The following NEK11 variants were observed in gnomAD, a reference collection of about 807,000 sequenced individuals.
NEK11 encodes the protein serine/threonine-protein kinase Nek11.
NEK11 carries 72 observed loss-of-function variants against 80.7 expected under a neutral mutation model. The ratio of observed to expected loss-of-function variants is 0.89; its 90% confidence interval spans 0.74 to 1.08. The LOEUF is 1.08. Ranked by LOEUF, NEK11 falls within the 50% of genes least tolerant of loss-of-function variation. The probability of loss-of-function intolerance (pLI) is 0.00; values close to 1 mark genes in which losing one functional copy is unlikely to be tolerated. For synonymous variants in NEK11, 251 were observed against 260.7 expected (o/e 0.96, Z 0.36); for missense variants, 764 against 763.6 (o/e 1.00, Z -0.01).
intron 7 of NEK11, among the ~76,000 whole-genome samples, chr3:131,134,691 G>A (rs1045909839): frequency 4.1e-4 from 63 of 152,078 alleles, no homozygotes; most frequent in African/African-American, 1.1e-3. Flanking sequence ...GAGCCACCGC[G>A]CCCAGACTAG....
chr3:131,029,418 A>G (rs1425848117), intron 2 of NEK11, among the ~76,000 whole-genome samples, 195 bp from the exon 3 acceptor site: 1 of 152,250 alleles, frequency 6.6e-6, no homozygotes, highest in Non-Finnish European at 1.5e-5. Context: ...TTCAATGTAC[A>G]AAGGGAGGCT....
intron 16 of NEK11, among the ~76,000 whole-genome samples, chr3:131,262,093 G>A: frequency 6.7e-6 from 1 of 149,612 alleles, no homozygotes. Context: ...ATGAAAGAGG[G>A]GACATTACTA....
chr3:131,135,964 T>C (rs1455986979), intron 7 of NEK11, among the ~76,000 whole-genome samples: 1 of 152,072 alleles, frequency 6.6e-6, no homozygotes, highest in Non-Finnish European at 1.5e-5. Flanking sequence ...TCAGTGTTAT[T>C]TCTTTTTAAA....
chr3:131,119,477 C>G (rs765862589), intron 5 of NEK11, among the ~76,000 whole-genome samples: 1 of 152,110 alleles, frequency 6.6e-6, no homozygotes, highest in Non-Finnish European at 1.5e-5. Flanking sequence ...CTGTAGATGT[C>G]TATTAGGTCT....
chr3:131,344,073 T>C (rs1339194455), intron 17 of NEK11, among the ~76,000 whole-genome samples: 12 of 152,242 alleles, frequency 7.9e-5, no homozygotes, highest in Admixed American at 6.5e-4. Flanking sequence ...TTCCAAACTT[T>C]TATGCTATCC....
chr3:131,206,122 C>G (rs982676055), intron 14 of NEK11, among the ~76,000 whole-genome samples: 1 of 152,160 alleles, frequency 6.6e-6, no homozygotes, highest in African/African-American at 2.4e-5. Context: ...AGGCACCACA[C>G]CGTAACGTGA....
At chr3:131,060,337 A>G (rs924279244) in intron 3 of NEK11, among the ~76,000 whole-genome samples, 2 of 152,218 alleles carry the variant, frequency 1.3e-5, no homozygotes, top group Admixed American at 1.3e-4. Context: ...GAGAGAAAAT[A>G]TGCTTGGTCT....
At chr3:131,262,391 G>A (rs954124264) in intron 16 of NEK11, among the ~76,000 whole-genome samples, 1 of 152,020 alleles carries the variant, frequency 6.6e-6, no homozygotes, top group Admixed American at 6.6e-5. Context: ...TTAACAAAAA[G>A]AAATAGAAAA....
intron 3 of NEK11, among the ~76,000 whole-genome samples, chr3:131,033,541 A>G (rs1363656779): frequency 1.3e-5 from 2 of 152,248 alleles, no homozygotes; most frequent in Non-Finnish European, 2.9e-5. Flanking sequence ...ACTAGTTTCT[A>G]TGAAATACAG....
At chr3:131,220,314 A>G (rs2107655810) in intron 14 of NEK11, among the ~76,000 whole-genome samples, 1 of 152,300 alleles carries the variant, frequency 6.6e-6, no homozygotes, top group South Asian at 2.1e-4. Flanking sequence ...TAGGTTTCCT[A>G]TACATATGAG....
At chr3:131,092,819 T>C (rs2149169175) in intron 4 of NEK11, 1 of 152,336 alleles carries the variant, frequency 6.6e-6, no homozygotes, top group South Asian at 2.1e-4. Context: ...TTATTTTTGT[T>C]TTTAAATATG....
At chr3:131,155,507 A>G (rs897108678) in intron 10 of NEK11, among the ~76,000 whole-genome samples, 8 of 152,224 alleles carry the variant, frequency 5.3e-5, no homozygotes, top group East Asian at 3.8e-4. Context: ...TGACAAGAAA[A>G]CATTGTGGAG....
intron 14 of NEK11, among the ~76,000 whole-genome samples, chr3:131,214,245 A>T (rs2094735582): frequency 6.6e-6 from 1 of 152,226 alleles, no homozygotes; most frequent in Admixed American, 6.5e-5. Flanking sequence ...GCAGAAAAGT[A>T]ACCTGAAATC....
In NEK11 at chr3:131,119,864, A is replaced by G. The variant is rs139448477; in HGVS notation, c.455+9943A>G. On this transcript the variant is annotated intron_variant, in intron 5 of 17. Coordinates refer to ENST00000383366, the MANE Select transcript of NEK11 (RefSeq NM_024800.5). Reference sequence around the variant, plus strand: ...TCCTCCATCCCTTTATTTTGAGCCTATGTGTGTCTCTACACATGAGAGGGA... The same window carrying G: ...TCCTCCATCCCTTTATTTTGAGCCTGTGTGTGTCTCTACACATGAGAGGGA... 3.3e-3 allele frequency among the ~76,000 whole-genome samples: 496 copies of G among 152,274 alleles called. 4 individuals carry two copies. The highest frequency in any genetic ancestry group is 0.011 in the East Asian group (57 of 5,188).
intron 5 of NEK11, among the ~76,000 whole-genome samples, chr3:131,121,043 T>C (rs1275652940): frequency 9.2e-5 from 14 of 152,238 alleles, no homozygotes; most frequent in Non-Finnish European, 1.9e-4. Context: ...GCTGAGTTCC[T>C]TTGGAGGAGA....
intron 14 of NEK11, among the ~76,000 whole-genome samples, chr3:131,195,793 A>AATATATATATAT (rs58272752): frequency 0.015 from 2,055 of 133,732 alleles, 36 homozygotes; most frequent in African/African-American, 0.046. Context: ...TATATTTCAG[A>AATATATATATAT]ATATATATAT....
chr3:131,149,064 CTTTA>C (rs2089070369), intron 7 of NEK11, among the ~76,000 whole-genome samples: 1 of 151,382 alleles, frequency 6.6e-6, no homozygotes, highest in African/African-American at 2.4e-5. Context: ...GTGTTTAAAC[CTTTA>C]TTTATTTGTT....
At chr3:131,220,724 C>T (rs1321184793) in intron 14 of NEK11, among the ~76,000 whole-genome samples, 1 of 152,098 alleles carries the variant, frequency 6.6e-6, no homozygotes, top group South Asian at 2.1e-4. Flanking sequence ...CAGCCAGCTC[C>T]GCAAACTTTA....
chr3:131,245,949 A>G (rs1027365954), intron 16 of NEK11, among the ~76,000 whole-genome samples: 1 of 151,908 alleles, frequency 6.6e-6, no homozygotes, highest in Non-Finnish European at 1.5e-5. Context: ...TATGCTGTTG[A>G]TTTGTTTCTT....
Sources: gnomAD v4.1 joint callset for allele counts (sites outside exome capture counted in the v4.1 genomes callset) on GRCh38, gnomAD v4.1.1 for gene constraint, MANE v1.5 for transcripts, NCBI Gene and HGNC (gene_info 2026-07-23, HGNC 2026-07-21) for gene names.